Variants in TMEM132C observed in about 807,000 individuals in gnomAD.
The protein encoded by TMEM132C is transmembrane protein 132C.
A neutral mutation model predicts 61.4 loss-of-function variants in TMEM132C; 29 were observed. The ratio of observed to expected loss-of-function variants is 0.47; its 90% CI spans 0.35 to 0.64. TMEM132C has a LOEUF of 0.64. TMEM132C is among the 30% of genes least tolerant of loss of function. The pLI is 0.00. For missense variants in TMEM132C, 1,408 were observed against 1,476.9 expected (o/e 0.95, Z 0.76); for synonymous variants, 656 against 633.1 (o/e 1.04, Z -0.54).
chr12:128,663,196 A>G (rs1954410494), intron 4 of TMEM132C, among the ~76,000 whole-genome samples: 1 of 152,218 alleles, frequency 6.6e-6, no homozygotes, highest in Admixed American at 6.5e-5. Context: ...TAATTTCAGA[A>G]CACGTGCATC....
intron 3 of TMEM132C, among the ~76,000 whole-genome samples, chr12:128,569,164 G>C (rs1345296905): frequency 2.0e-5 from 3 of 152,166 alleles, no homozygotes; most frequent in East Asian, 1.9e-4. Flanking sequence ...GAATAGGAAG[G>C]GTGTGAGCAC....
At chr12:128,607,144 C>T (rs768215185) in intron 3 of TMEM132C, among the ~76,000 whole-genome samples, 3 of 152,064 alleles carry the variant, frequency 2.0e-5, no homozygotes, top group African/African-American at 4.8e-5. Context: ...AGAAAGCCTC[C>T]GGATGTGTGA....
intron 2 of TMEM132C, among the ~76,000 whole-genome samples, chr12:128,504,015 A>G (rs1381490866): frequency 6.6e-6 from 1 of 152,142 alleles, no homozygotes; most frequent in Non-Finnish European, 1.5e-5. Context: ...AGAAGCAGGG[A>G]GTTGTCTGGG....
intron 4 of TMEM132C, among the ~76,000 whole-genome samples, chr12:128,641,876 C>T (rs1954160344): frequency 1.3e-5 from 2 of 151,804 alleles, no homozygotes; most frequent in Admixed American, 6.6e-5. Context: ...CTCACTGCAA[C>T]CTCCACCTCT....
At chr12:128,688,334 A>T (rs1954693570) in intron 5 of TMEM132C, among the ~76,000 whole-genome samples, 1 of 152,218 alleles carries the variant, frequency 6.6e-6, no homozygotes, top group African/African-American at 2.4e-5. Context: ...TCCATCTTGG[A>T]TGAGCCGCAG....
intron 1 of TMEM132C, among the ~76,000 whole-genome samples, chr12:128,384,926 G>A (rs531119252): frequency 3.3e-5 from 5 of 152,240 alleles, no homozygotes; most frequent in African/African-American, 9.6e-5. Context: ...GGTCCTCTCC[G>A]GGCTCCTAAA....
intron 1 of TMEM132C, among the ~76,000 whole-genome samples, chr12:128,267,750 C>T (rs1870360155): frequency 6.6e-6 from 1 of 152,200 alleles, no homozygotes; most frequent in Non-Finnish European, 1.5e-5. Context: ...AGCTGCCCCG[C>T]GGATGAGGAG....
chr12:128,489,923 T>G (rs1871654655), intron 2 of TMEM132C, among the ~76,000 whole-genome samples: 1 of 152,158 alleles, frequency 6.6e-6, no homozygotes, highest in Admixed American at 6.5e-5. Flanking sequence ...GGATGTTCCC[T>G]TTCGTCCACG....
At chr12:128,273,567 A>T (rs1002327326) in intron 1 of TMEM132C, among the ~76,000 whole-genome samples, 1 of 152,046 alleles carries the variant, frequency 6.6e-6, no homozygotes, top group Non-Finnish European at 1.5e-5. Context: ...TTGTATTAAG[A>T]TCTACTATTT....
chr12:128,700,723 C>T (rs1448827908), intron 8 of TMEM132C, among the ~76,000 whole-genome samples: 2 of 152,058 alleles, frequency 1.3e-5, no homozygotes, highest in Non-Finnish European at 2.9e-5. Context: ...AAAGTAGGAT[C>T]GAAAAATGAA....
At chr12:128,458,074 C>T (rs1262399057) in intron 2 of TMEM132C, among the ~76,000 whole-genome samples, 1 of 151,176 alleles carries the variant, frequency 6.6e-6, no homozygotes, top group African/African-American at 2.4e-5. Flanking sequence ...AGCAGTGAAC[C>T]CCATTTTTAA....
At chr12:128,621,454 G>A (rs1256638637) in intron 4 of TMEM132C, among the ~76,000 whole-genome samples, 4 of 152,148 alleles carry the variant, frequency 2.6e-5, no homozygotes, top group Admixed American at 6.5e-5. Context: ...TGGAGCTTCC[G>A]ATAGCACCCC....
At chr12:128,392,546 G>A (rs912213011) in intron 1 of TMEM132C, among the ~76,000 whole-genome samples, 6 of 152,162 alleles carry the variant, frequency 3.9e-5, no homozygotes, top group African/African-American at 1.4e-4. Flanking sequence ...TCCAGGTGAA[G>A]GATGGGGAGG....
At chr12:128,536,395 G>A (rs1873528121) in intron 2 of TMEM132C, among the ~76,000 whole-genome samples, 1 of 152,114 alleles carries the variant, frequency 6.6e-6, no homozygotes, top group Non-Finnish European at 1.5e-5. Context: ...CTGTCATGGG[G>A]TGGGGGGCTG....
chr12:128,413,099 C>T lies in TMEM132C; in HGVS notation c.86-1633C>T, dbSNP rs184866063. Among the ~76,000 whole-genome samples, 387 of 151,934 alleles carry T rather than the reference C, an allele frequency of 2.5e-3. 3 individuals carry two copies. Among genetic ancestry groups the T allele is most frequent in the Non-Finnish European group, 2.4e-3 (161 of 67,960 alleles). On this transcript the variant is annotated intron_variant, in intron 1 of 8. Transcript: ENST00000435159. ...GGATCATGAGGTCAGGAGATCTAGACCCTCCTGGCTAACATGGTGAAACTC... is the reference window on the plus strand; with the variant it reads ...GGATCATGAGGTCAGGAGATCTAGATCCTCCTGGCTAACATGGTGAAACTC...
chr12:128,311,520 T>G (rs1042604321), intron 1 of TMEM132C, among the ~76,000 whole-genome samples: 1 of 152,162 alleles, frequency 6.6e-6, no homozygotes, highest in Admixed American at 6.5e-5. Context: ...TGTTTAAAGG[T>G]AAAAGTCCGA....
chr12:128,449,705 G>T (rs11059698), intron 2 of TMEM132C, among the ~76,000 whole-genome samples: 1 of 152,166 alleles, frequency 6.6e-6, no homozygotes, highest in South Asian at 2.1e-4. Context: ...TAATCATGCT[G>T]TAAAGAATCC....
In TMEM132C at chr12:128,414,769, A is replaced by T; in HGVS notation, c.123A>T (p.Arg41Ser). Reference sequence around the variant, plus strand: ...ACGGGGTCACAGACAACATACAGAGATTCTCCTCACTGCCACCTTACCTAC... The same window carrying T: ...ACGGGGTCACAGACAACATACAGAGTTTCTCCTCACTGCCACCTTACCTAC... ...EGHGVTDNIQ[R>S]FSSLPPYLPV... Residue 41 changes from arginine to serine, a missense_variant, in exon 2 of 9, where the codon AGA becomes AGT. Physicochemically the swap from Arg to Ser is moderately radical, Grantham distance 110 (BLOSUM62 -1). Transcript: ENST00000435159. 2 of 1,537,984 alleles carry T rather than the reference A, an allele frequency of 1.3e-6. No homozygotes were observed. Among genetic ancestry groups the T allele is most frequent in the Non-Finnish European group, 1.7e-6 (2 of 1,146,446 alleles).
At position 128,630,023 on chromosome 12, in the gene TMEM132C, T is replaced by A. The variant is rs554174603; in HGVS notation, c.1305+13688T>A. Among the ~76,000 whole-genome samples, 2 of 135,100 alleles carry A rather than the reference T, an allele frequency of 1.5e-5. No individual in the cohort carries two copies. The highest frequency in any genetic ancestry group is 4.6e-4 in the East Asian group (2 of 4,390). The allele number at this position is 135,100 out of a possible 152,430, so 88.6% of individuals were successfully genotyped here. A position where few individuals can be genotyped will look rare whatever the true frequency, so the allele number is the denominator to read the frequency against. On this transcript the variant is annotated intron_variant, in intron 4 of 8. Transcript: ENST00000435159. The surrounding 1 kb of genome is among the most constrained non-coding windows in gnomAD (Gnocchi z 4.3). ...GATCTCATATTACCTGTTCTTACCATAATAAAATAAATTTTAAAAATTCAA... is the reference window on the plus strand; with the variant it reads ...GATCTCATATTACCTGTTCTTACCAAAATAAAATAAATTTTAAAAATTCAA...
Sources: gnomAD v4.1 joint callset for allele counts (sites outside exome capture counted in the v4.1 genomes callset) on GRCh38, gnomAD v4.1.1 for gene constraint, Gnocchi (gnomAD v3.1) non-coding constraint, MANE v1.5 for transcripts, NCBI Gene and HGNC (gene_info 2026-07-23, HGNC 2026-07-21) for gene names.